Variants in TMEM80 observed in about 807,000 individuals in gnomAD.
The protein encoded by TMEM80 is transmembrane protein 80.
A neutral mutation model predicts 13.6 loss-of-function variants in TMEM80; 16 were observed. That is an observed-to-expected ratio of 1.17 (90% confidence interval 0.79 to 1.78). The LOEUF is 1.78. TMEM80 is among the 40% of genes most tolerant of loss of function. The pLI, the probability that TMEM80 is intolerant of heterozygous loss-of-function variation, is 0.00. For missense variants in TMEM80, 167 were observed against 184.6 expected (o/e 0.90, Z 0.55); for synonymous variants, 92 against 89.5 (o/e 1.03, Z -0.16).
In TMEM80 at chr11:702,861, C is replaced by T. The variant is rs11825205; in HGVS notation, c.227-84C>T. On this transcript the variant is annotated intron_variant, in intron 4 of 4. Transcript: ENST00000397510. ...CGTAGGGCAAGGAGCTGCTCTGGTCCCAGCAGCCCTCCAGGCACCTGTGGG... is the reference window on the plus strand; with the variant it reads ...CGTAGGGCAAGGAGCTGCTCTGGTCTCAGCAGCCCTCCAGGCACCTGTGGG... 988 of 1,363,258 alleles carry T rather than the reference C, an allele frequency of 7.2e-4. 3 individuals are homozygous for T. In the African/African-American group the frequency reaches 8.4e-3, roughly 12 times the overall value. 84.4% of individuals were successfully genotyped at this position (1,363,258 alleles called of 1,614,324 possible).
chr11:704,338 G>A, downstream of TMEM80: 1 of 843,978 alleles, frequency 1.2e-6, no homozygotes, highest in Non-Finnish European at 1.7e-6. Context: ...TGGGGTGGCT[G>A]TGGCTGTGGC....
At chr11:695,924 C>A in intron 1 of TMEM80, 78 bp downstream of exon 1, 1 of 1,107,780 alleles carries the variant, frequency 9.0e-7, no homozygotes, top group Non-Finnish European at 1.1e-6. Flanking sequence ...ATCCGGTTTC[C>A]GCTTTCGGTG....
At position 703,943 on chromosome 11, in the gene TMEM80, T is replaced by A. The variant is rs1161695849; in HGVS notation, c.*793T>A. The A allele has an allele frequency of 4.8e-6, 6 of 1,243,390 alleles. No individual in the cohort carries two copies. The highest frequency in any genetic ancestry group is 6.0e-6 in the Non-Finnish European group (6 of 995,096). 77.0% of individuals were successfully genotyped at this position (1,243,390 alleles called of 1,614,324 possible). ...CGGAGTGCTAAACAAATTCTAGCTC[T>A]GTGTTTTTTTCCCATTCCCAGATTT... is the stretch of plus-strand genomic sequence containing the variant. On this transcript the variant is annotated 3_prime_UTR_variant, in exon 5 of 5. Transcript: ENST00000397510.
At chr11:700,293 G>T in intron 3 of TMEM80, 58 bp downstream of exon 3, 3 of 1,454,464 alleles carry the variant, frequency 2.1e-6, no homozygotes, top group Non-Finnish European at 2.9e-6. Context: ...TTGGGAGGCT[G>T]AGGTGGGCGG....
chr11:696,309 C>G (rs1180431994), intron 1 of TMEM80, among the ~76,000 whole-genome samples: 1 of 152,026 alleles, frequency 6.6e-6, no homozygotes. Context: ...GAGGAGCCGC[C>G]TTCTGCTGTC....
rs1861582845 is a variant in TMEM80, at chr11:703,259, T to G, written c.*109T>G. The stretch of plus-strand genomic sequence containing the variant: ...CAGGAAGGGCACTTTTCCTAGTGAC[T>G]GGCCATAGATGGTTTTGGATGGTTC... On this transcript the variant is annotated 3_prime_UTR_variant, in exon 5 of 5. Coordinates refer to ENST00000397510, the MANE Select transcript of TMEM80 (RefSeq NM_001042463.3). The G allele has an allele frequency of 6.2e-6, 9 of 1,450,746 alleles. No homozygotes were observed. In the South Asian group the frequency reaches 1.4e-4, roughly 22 times the overall value. The allele number at this position is 1,450,746 out of a possible 1,614,324, so 89.9% of individuals were successfully genotyped here.
At chr11:702,171 C>G (rs1235217520) in intron 4 of TMEM80, among the ~76,000 whole-genome samples, 1 of 152,204 alleles carries the variant, frequency 6.6e-6, no homozygotes, top group Non-Finnish European at 1.5e-5. Context: ...GCCTCAGACA[C>G]ACTAGGAGGA....
intron 4 of TMEM80, among the ~76,000 whole-genome samples, chr11:701,610 CAT>C (rs1564962984): frequency 5.5e-4 from 83 of 152,050 alleles, no homozygotes; most frequent in African/African-American, 2.0e-3. Context: ...GGGGTTTCAC[CAT>C]GTTAGCCAGG....
At chr11:702,363 G>C (rs1173026235) in intron 4 of TMEM80, among the ~76,000 whole-genome samples, 2 of 152,234 alleles carry the variant, frequency 1.3e-5, no homozygotes, top group East Asian at 3.9e-4. Flanking sequence ...GCCTGGGCCT[G>C]CCCTGAGGTG....
At chr11:696,939 C>T (rs1165645512) in intron 1 of TMEM80, among the ~76,000 whole-genome samples, 3 of 146,394 alleles carry the variant, frequency 2.0e-5, no homozygotes, top group African/African-American at 5.0e-5. Context: ...ATTAGCCTGG[C>T]GTGATGGTGC....
At chr11:704,928 G>A (rs140319145), downstream of TMEM80, 1 of 347,884 alleles carries the variant, frequency 2.9e-6, no homozygotes, top group South Asian at 2.2e-5. Flanking sequence ...GCACCGAGGG[G>A]TTGGCGTGTG....
chr11:700,580 G>C (rs777139695), intron 3 of TMEM80, 35 bp from the exon 4 acceptor site: 1 of 1,554,156 alleles, frequency 6.4e-7, no homozygotes, highest in East Asian at 2.2e-5. Context: ...GCTGTGCCAG[G>C]TTACTTATGT....
chr11:702,089 CT>C (rs1396624827), intron 4 of TMEM80, among the ~76,000 whole-genome samples: 7 of 152,220 alleles, frequency 4.6e-5, no homozygotes, highest in African/African-American at 1.7e-4. Flanking sequence ...AGATACACCC[CT>C]GATGCCTGAT....
Position 703,342 on chromosome 11 carries a change from C to G in TMEM80, c.*192C>G, listed in dbSNP as rs1332208518. The stretch of plus-strand genomic sequence containing the variant: ...AGGGCAGAACAAACTGCTGGAGGCC[C>G]TGGTGTTGGGAACAGCTGCGGGGAG... On this transcript the variant is annotated 3_prime_UTR_variant, in exon 5 of 5. Transcript: ENST00000397510. 3 of 1,399,748 alleles carry G rather than the reference C, an allele frequency of 2.1e-6. No individual in the cohort carries two copies. In the African/African-American group the frequency reaches 4.4e-5, roughly 20 times the overall value. 86.7% of individuals were successfully genotyped at this position (1,399,748 alleles called of 1,614,324 possible). A position where few individuals can be genotyped will look rare whatever the true frequency, so the allele number is the denominator to read the frequency against.
intron 3 of TMEM80, 89 bp from the exon 4 acceptor site, chr11:700,526 C>CAAAA (rs34654075): frequency 1.7e-5 from 15 of 901,044 alleles, no homozygotes; most frequent in South Asian, 2.8e-5. Flanking sequence ...GACCCTGTCT[C>CAAAA]AAAAAAAAAA....
downstream of TMEM80, chr11:704,434 G>A: frequency 1.6e-6 from 2 of 1,288,362 alleles, no homozygotes; most frequent in Non-Finnish European, 1.0e-6. Context: ...CCTGTCTGTG[G>A]CCCCCAGTGG....
At chr11:695,868 G>T in intron 1 of TMEM80, 22 bp downstream of exon 1, 1 of 1,226,230 alleles carries the variant, frequency 8.2e-7, no homozygotes, top group Non-Finnish European at 1.0e-6. Flanking sequence ...CGGGGTGGGG[G>T]CTTCCGGGCT....
chr11:697,766 C>T (rs1590033259), intron 1 of TMEM80: 1 of 152,390 alleles, frequency 6.6e-6, no homozygotes. Flanking sequence ...GCCGGGAACG[C>T]GATGCGGCGT....
At chr11:704,558 C>T, downstream of TMEM80, 1 of 1,289,370 alleles carries the variant, frequency 7.8e-7, no homozygotes, top group Non-Finnish European at 1.0e-6. Flanking sequence ...CTGGGCACAC[C>T]TGCCATCTGG....
Sources: allele counts gnomAD v4.1 joint callset (sites outside exome capture counted in the v4.1 genomes callset), GRCh38; gene constraint gnomAD v4.1.1; transcripts MANE v1.5; gene names NCBI Gene and HGNC (gene_info 2026-07-23, HGNC 2026-07-21).